Variants in NHSL1 observed in about 807,000 individuals in gnomAD.
NHSL1 encodes the protein NHS like 1, also known as NHS-like protein 1.
NHSL1 carries 48 observed loss-of-function variants against 95.0 expected under a neutral mutation model. The observed-to-expected ratio is 0.51, with a 90% CI of 0.40 to 0.64. The LOEUF is 0.64. Among genes scored for constraint, NHSL1 ranks in the 30% least tolerant of loss-of-function variants. NHSL1 has a pLI of 0.00. For missense variants in NHSL1, 1,971 were observed against 2,077.7 expected, an observed-to-expected ratio of 0.95 and a Z score of 1.00; for synonymous variants, 783 against 833.9, an observed-to-expected ratio of 0.94 and a Z score of 1.05.
intron 1 of NHSL1, among the ~76,000 whole-genome samples, chr6:138,538,597 A>G (rs1027496944): frequency 2.0e-5 from 3 of 152,176 alleles, no homozygotes; most frequent in African/African-American, 7.2e-5. Flanking sequence ...TCGAGAGAGC[A>G]GAGGCGTCTG....
At chr6:138,619,584 C>G (rs1485339505) in intron 1 of NHSL1, among the ~76,000 whole-genome samples, 1 of 151,996 alleles carries the variant, frequency 6.6e-6, no homozygotes, top group Admixed American at 6.5e-5. Flanking sequence ...AGTGGAAAAC[C>G]AAGTTTGAGG....
chr6:138,591,075 C>T (rs746119105), intron 1 of NHSL1, among the ~76,000 whole-genome samples: 1 of 152,134 alleles, frequency 6.6e-6, no homozygotes, highest in Non-Finnish European at 1.5e-5. Context: ...ATACTGCCAC[C>T]TAGTGACTGT....
intron 1 of NHSL1, among the ~76,000 whole-genome samples, chr6:138,497,879 A>G (rs1326858037): frequency 6.6e-6 from 1 of 152,224 alleles, no homozygotes; most frequent in Non-Finnish European, 1.5e-5. Flanking sequence ...AAGTTGCTAA[A>G]TGAGAAAATA....
At chr6:138,439,188 C>T (rs1007644800) in intron 5 of NHSL1, among the ~76,000 whole-genome samples, 1 of 152,096 alleles carries the variant, frequency 6.6e-6, no homozygotes, top group Non-Finnish European at 1.5e-5. Context: ...ATGGAAGTAC[C>T]TCTCTGGTTA....
At chr6:138,502,075 C>T (rs772168923), upstream of NHSL1, among the ~76,000 whole-genome samples, 7 of 152,038 alleles carry the variant, frequency 4.6e-5, no homozygotes, top group Non-Finnish European at 1.0e-4. Flanking sequence ...AAGTGGTAAA[C>T]CTGGGGGAGA....
At chr6:138,666,705 G>A (rs1172983169) in intron 1 of NHSL1, among the ~76,000 whole-genome samples, 1 of 151,594 alleles carries the variant, frequency 6.6e-6, no homozygotes, top group Non-Finnish European at 1.5e-5. Context: ...TATATAATAT[G>A]ATCCCAGTCA....
chr6:138,639,011 G>A (rs1784925392), intron 1 of NHSL1, among the ~76,000 whole-genome samples: 1 of 151,994 alleles, frequency 6.6e-6, no homozygotes, highest in African/African-American at 2.4e-5. Context: ...TTCTTTTTTT[G>A]TACCATCTGT....
intron 1 of NHSL1, among the ~76,000 whole-genome samples, chr6:138,647,867 G>T (rs1034166632): frequency 2.0e-5 from 3 of 152,062 alleles, no homozygotes; most frequent in Non-Finnish European, 4.4e-5. Context: ...CAAAATGCTG[G>T]GATTACAAGG....
At chr6:138,586,489 A>G (rs1784137560) in intron 1 of NHSL1, among the ~76,000 whole-genome samples, 1 of 152,254 alleles carries the variant, frequency 6.6e-6, no homozygotes. Context: ...ACAGTAAGTA[A>G]CATCACTTAA....
intron 1 of NHSL1, among the ~76,000 whole-genome samples, chr6:138,612,596 TCAC>T (rs1264226484): frequency 6.6e-6 from 1 of 152,186 alleles, no homozygotes; most frequent in Non-Finnish European, 1.5e-5. Flanking sequence ...AAAATACTGG[TCAC>T]CTCTGAGGAG....
chr6:138,523,610 A>G (rs1189763041), intron 1 of NHSL1, among the ~76,000 whole-genome samples: 2 of 135,696 alleles, frequency 1.5e-5, no homozygotes, highest in African/African-American at 5.4e-5. Flanking sequence ...CACCCAGCCT[A>G]GAGATGTTTT....
At position 138,692,105 on chromosome 6, in the gene NHSL1, A is replaced by G; in HGVS notation, c.96+371T>C. 1 of 456,030 alleles carries G rather than the reference A, an allele frequency of 2.2e-6. No individual in the cohort carries two copies. Among genetic ancestry groups the G allele is most frequent in the Non-Finnish European group, 4.4e-6 (1 of 226,928 alleles). The allele number at this position is 456,030 out of a possible 1,614,324, so 28.2% of individuals were successfully genotyped here. On this transcript the variant is annotated intron_variant, in intron 1 of 3. Transcript: ENST00000491526. This position sits in a 1 kb window ranked among gnomAD's most constrained non-coding sequence, Gnocchi z 4.0. ...ATTTATATTCTCCCCTGGCTTTTCCAACAGGCTACCTGCCTGTGACAGTTT... is the reference window on the plus strand; with the variant it reads ...ATTTATATTCTCCCCTGGCTTTTCCGACAGGCTACCTGCCTGTGACAGTTT...
intron 3 of NHSL1, among the ~76,000 whole-genome samples, chr6:138,452,919 T>C (rs1444473204): frequency 1.3e-5 from 2 of 152,168 alleles, no homozygotes; most frequent in East Asian, 1.9e-4. Flanking sequence ...AGCAACTCCA[T>C]GATGGCCAAC....
chr6:138,545,701 C>A (rs1782764347), exon 1 of NHSL1: 1 of 1,283,144 alleles, frequency 7.8e-7, no homozygotes, highest in African/African-American at 1.5e-5. Flanking sequence ...GTGCTAGGCA[C>A]AGCTGTCTCC....
At chr6:138,521,083 T>C (rs1045011571) in intron 1 of NHSL1, among the ~76,000 whole-genome samples, 3 of 152,172 alleles carry the variant, frequency 2.0e-5, no homozygotes, top group Admixed American at 6.5e-5. Flanking sequence ...TCTGCACAAG[T>C]GCACACCTAT....
chr6:138,686,780 T>C (rs1336977541), intron 1 of NHSL1, among the ~76,000 whole-genome samples: 1 of 152,208 alleles, frequency 6.6e-6, no homozygotes, highest in Non-Finnish European at 1.5e-5. Context: ...ACGATTGCAG[T>C]GCTTCTCAAT....
At chr6:138,646,475 C>T (rs1379613236) in intron 1 of NHSL1, among the ~76,000 whole-genome samples, 4 of 151,296 alleles carry the variant, frequency 2.6e-5, no homozygotes, top group Non-Finnish European at 5.9e-5. Flanking sequence ...CCTGCCTGAG[C>T]GGCAGAGCAA....
intron 1 of NHSL1, among the ~76,000 whole-genome samples, chr6:138,539,556 AGAG>A (rs1443689213): frequency 2.0e-5 from 3 of 152,218 alleles, no homozygotes; most frequent in Non-Finnish European, 4.4e-5. Context: ...GAGCCATCAC[AGAG>A]GAGGACAGCT....
chr6:138,464,015 G>A, intron 3 of NHSL1: 2 of 330,980 alleles, frequency 6.0e-6, no homozygotes, highest in Non-Finnish European at 1.2e-5. Flanking sequence ...TTAGAACAAT[G>A]CTTGGCATAT....
Sources: gnomAD v4.1 joint callset for allele counts (sites outside exome capture counted in the v4.1 genomes callset) on GRCh38, gnomAD v4.1.1 for gene constraint, Gnocchi (gnomAD v3.1) non-coding constraint, MANE v1.5 for transcripts, NCBI Gene and HGNC (gene_info 2026-07-23, HGNC 2026-07-21) for gene names.